The following SNTG1 variants were observed in gnomAD, a reference collection of about 807,000 sequenced individuals.
The protein encoded by SNTG1 is syntrophin gamma 1, also known as gamma-1-syntrophin.
A neutral mutation model predicts 74.7 loss-of-function variants in SNTG1; 39 were observed. The observed-to-expected ratio is 0.52, with a 90% CI of 0.40 to 0.68. The LOEUF (loss-of-function observed/expected upper bound fraction) is 0.68, where lower values mean the gene tolerates loss of function less well. Among genes scored for constraint, SNTG1 ranks in the 30% least tolerant of loss-of-function variants. The pLI is 0.00. For synonymous variants in SNTG1, 254 were observed against 217.1 expected, an observed-to-expected ratio of 1.17 and a Z score of -1.49; for missense variants, 685 against 609.5, an observed-to-expected ratio of 1.12 and a Z score of -1.30.
At chr8:50,086,592 G>A (rs1822908968) in intron 1 of SNTG1, among the ~76,000 whole-genome samples, 1 of 152,078 alleles carries the variant, frequency 6.6e-6, no homozygotes, top group African/African-American at 2.4e-5. Context: ...GGAAGGACAG[G>A]CTTGGGAGAT....
At chr8:50,620,921 G>A (rs1010403641) in intron 13 of SNTG1, among the ~76,000 whole-genome samples, 6 of 152,190 alleles carry the variant, frequency 3.9e-5, no homozygotes, top group African/African-American at 1.4e-4. Context: ...ATGGATGATA[G>A]AAAGCAGGAT....
intron 18 of SNTG1, among the ~76,000 whole-genome samples, chr8:50,753,965 T>C (rs2095573888): frequency 6.6e-6 from 1 of 151,868 alleles, no homozygotes; most frequent in South Asian, 2.1e-4. Flanking sequence ...TGCTAGACAA[T>C]CAGAATGTTG....
intron 17 of SNTG1, among the ~76,000 whole-genome samples, chr8:50,747,293 G>C (rs2095557278): frequency 6.6e-6 from 1 of 151,892 alleles, no homozygotes; most frequent in African/African-American, 2.4e-5. Flanking sequence ...ATTCCTTGTT[G>C]CATCTTTCTG....
intron 15 of SNTG1, among the ~76,000 whole-genome samples, chr8:50,660,390 G>GAGA (rs1563708358): frequency 2.2e-4 from 15 of 67,412 alleles, no homozygotes; most frequent in African/African-American, 7.8e-4. Context: ...AGGAAGGAAG[G>GAGA]AAGAAAAAGA....
chr8:50,748,746 T>C (rs1423983809), intron 17 of SNTG1, among the ~76,000 whole-genome samples: 1 of 151,230 alleles, frequency 6.6e-6, no homozygotes, highest in Non-Finnish European at 1.5e-5. Context: ...CAATTAGTAA[T>C]ATTTCATGTT....
chr8:50,438,514 T>C (rs2093327676), intron 4 of SNTG1, 29 bp from the exon 5 acceptor site: 1 of 1,602,524 alleles, frequency 6.2e-7, no homozygotes, highest in Non-Finnish European at 8.5e-7. Flanking sequence ...TAGGAAACAC[T>C]AACCATTCTT....
intron 1 of SNTG1, among the ~76,000 whole-genome samples, chr8:50,063,383 G>A (rs963877912): frequency 6.6e-6 from 1 of 152,192 alleles, no homozygotes; most frequent in Non-Finnish European, 1.5e-5. Flanking sequence ...TCTATCAAAA[G>A]ACACATGCTT....
intron 11 of SNTG1, among the ~76,000 whole-genome samples, chr8:50,543,462 G>C (rs2094363386): frequency 6.6e-6 from 1 of 151,968 alleles, no homozygotes; most frequent in Admixed American, 6.6e-5. Context: ...TGTTGTTGTT[G>C]CTGTTGTTTC....
chr8:50,484,108 CTT>C (rs2093764496), intron 8 of SNTG1, among the ~76,000 whole-genome samples: 19 of 102,710 alleles, frequency 1.8e-4, no homozygotes, highest in African/African-American at 6.9e-4. Flanking sequence ...TTCTCTCTTT[CTT>C]TCTTTCTTTC....
intron 1 of SNTG1, among the ~76,000 whole-genome samples, chr8:50,002,730 C>T (rs190515519): frequency 6.6e-6 from 1 of 151,970 alleles, no homozygotes; most frequent in East Asian, 1.9e-4. Flanking sequence ...ATGATATGAC[C>T]CAGCAATTTT....
Position 50,780,864 on chromosome 8 carries a change from C to A in SNTG1, c.1396-11807C>A, listed in dbSNP as rs2095657216. The stretch of plus-strand genomic sequence containing the variant: ...TTAATGCTATAAATTTCCCTCTACA[C>A]ACTGCTTTGAATGTGGCCCAGAGAT... On this transcript the variant is annotated intron_variant, in intron 18 of 18. Transcript: ENST00000642720. 7.2e-5 allele frequency among the ~76,000 whole-genome samples: 11 copies of A among 152,312 alleles called. No individual in the cohort carries two copies. The South Asian group carries it at 2.3e-3, about 32-fold the overall frequency.
At chr8:50,681,422 G>T (rs1229540077) in intron 15 of SNTG1, among the ~76,000 whole-genome samples, 1 of 151,960 alleles carries the variant, frequency 6.6e-6, no homozygotes, top group Admixed American at 6.6e-5. Flanking sequence ...TTCCAGTAAT[G>T]TTAAGTAAAT....
chr8:50,472,881 C>CA (rs1473308493), intron 8 of SNTG1, among the ~76,000 whole-genome samples: 1 of 152,050 alleles, frequency 6.6e-6, no homozygotes, highest in Non-Finnish European at 1.5e-5. Context: ...CTTGAATGGA[C>CA]ATTTCTCCAA....
intron 1 of SNTG1, among the ~76,000 whole-genome samples, chr8:50,016,556 T>A (rs946711096): frequency 1.3e-5 from 2 of 152,132 alleles, no homozygotes; most frequent in African/African-American, 4.8e-5. Flanking sequence ...TTTGCAAAGC[T>A]TCTTGAACCA....
chr8:50,053,873 A>G (rs1030798665), intron 1 of SNTG1, among the ~76,000 whole-genome samples: 4 of 151,904 alleles, frequency 2.6e-5, no homozygotes, highest in African/African-American at 9.7e-5. Context: ...TTCTAAATCC[A>G]TATTTCCTTT....
At chr8:50,180,659 A>G (rs1291696873) in intron 2 of SNTG1, among the ~76,000 whole-genome samples, 1 of 149,582 alleles carries the variant, frequency 6.7e-6, no homozygotes, top group Non-Finnish European at 1.5e-5. Context: ...CATTTTTTTT[A>G]GGTGGCCCAT....
At chr8:50,690,063 T>C (rs1017681736) in intron 15 of SNTG1, among the ~76,000 whole-genome samples, 1 of 152,238 alleles carries the variant, frequency 6.6e-6, no homozygotes, top group African/African-American at 2.4e-5. Flanking sequence ...TCTCTGATGG[T>C]AGTTTGTATT....
intron 13 of SNTG1, among the ~76,000 whole-genome samples, chr8:50,602,126 T>C (rs1261735714): frequency 6.6e-6 from 1 of 152,144 alleles, no homozygotes. Flanking sequence ...AATGTTATTA[T>C]TGATAAGTAA....
Position 50,237,147 on chromosome 8 carries a change from T to C in SNTG1, c.-28+64512T>C, listed in dbSNP as rs559137872. Among the ~76,000 whole-genome samples the C allele has an allele frequency of 7.5e-4, 114 of 152,318 alleles. 1 individual carries two copies. Among genetic ancestry groups the C allele is most frequent in the South Asian group, 7.5e-3 (36 of 4,828 alleles). Reference sequence around the variant, plus strand: ...TCACTCTATTTTTTTACCTTTTTTTTTCTTGCAGTTCATTTCTTGAAAGAA... The same window carrying C: ...TCACTCTATTTTTTTACCTTTTTTTCTCTTGCAGTTCATTTCTTGAAAGAA... On this transcript the variant is annotated intron_variant, in intron 2 of 18. Coordinates refer to ENST00000642720, the MANE Select transcript of SNTG1 (RefSeq NM_018967.5).
Sources: allele counts gnomAD v4.1 joint callset (sites outside exome capture counted in the v4.1 genomes callset), GRCh38; gene constraint gnomAD v4.1.1; transcripts MANE v1.5; gene names NCBI Gene and HGNC (gene_info 2026-07-23, HGNC 2026-07-21).